PC: variants seen among roughly 807,000 people sequenced by gnomAD.
PC encodes the protein pyruvate carboxylase, mitochondrial.
A neutral mutation model predicts 107.8 loss-of-function variants in PC; 46 were observed. The ratio of observed to expected loss-of-function variants is 0.43; its 90% confidence interval spans 0.34 to 0.55. The LOEUF is 0.55. PC is among the 20% of genes least tolerant of loss of function. The pLI is 0.04. For missense variants in PC, 1,241 were observed against 1,643.1 expected (o/e 0.76, Z 4.23); for synonymous variants, 662 against 684.7 (o/e 0.97, Z 0.52).
chr11:66,953,199 C>T (rs1158171125), intron 2 of PC, among the ~76,000 whole-genome samples: 1 of 152,220 alleles, frequency 6.6e-6, no homozygotes, highest in Non-Finnish European at 1.5e-5. Flanking sequence ...ATCTGAAGTG[C>T]TTTCTCTTCC....
chr11:66,941,640 C>T (rs552336006), intron 3 of PC, among the ~76,000 whole-genome samples: 4 of 152,180 alleles, frequency 2.6e-5, no homozygotes, highest in Admixed American at 6.5e-5. Context: ...TACAGGTGCC[C>T]GCCACCATGC....
At chr11:66,859,906 G>A (rs770795090) in intron 12 of PC, 9 of 1,577,126 alleles carry the variant, frequency 5.7e-6, no homozygotes, top group South Asian at 1.2e-5. Flanking sequence ...TTGCTGGTTC[G>A]GGGCCGGGGG....
chr11:66,925,039 AG>A (rs1273261483), intron 3 of PC, among the ~76,000 whole-genome samples: 2 of 152,160 alleles, frequency 1.3e-5, no homozygotes, highest in Non-Finnish European at 2.9e-5. Context: ...TCAAAAAGGG[AG>A]GGAGTGTACT....
At chr11:66,912,916 C>T (rs1948370249) in intron 3 of PC, among the ~76,000 whole-genome samples, 1 of 152,162 alleles carries the variant, frequency 6.6e-6, no homozygotes. Flanking sequence ...GAAGGGCTTC[C>T]TCCTGCCACA....
Position 66,863,987 on chromosome 11 carries a change from G to A in PC, c.1186-31C>T, listed in dbSNP as rs375079698. ...GGAAGGGTGAGGCGTGAGGACCTGC[G>A]CCAGAAACTGCGGTCAAAAGTGCCC... On this transcript the variant is annotated intron_variant, in intron 11 of 22. Transcript: ENST00000393960. 140 of 1,611,176 alleles carry A rather than the reference G, an allele frequency of 8.7e-5. No homozygotes were observed. The East Asian group carries it at 1.4e-3, about 16-fold the overall frequency.
intron 12 of PC, among the ~76,000 whole-genome samples, chr11:66,861,312 G>A (rs1221896987): frequency 6.6e-6 from 1 of 152,208 alleles, no homozygotes; most frequent in Non-Finnish European, 1.5e-5. Context: ...CCCTGCAGAG[G>A]GTCAAGCTCC....
At chr11:66,916,786 C>T (rs1948472713) in intron 3 of PC, among the ~76,000 whole-genome samples, 1 of 151,860 alleles carries the variant, frequency 6.6e-6, no homozygotes, top group Non-Finnish European at 1.5e-5. Flanking sequence ...AACCCCGTCT[C>T]TACTAAAAAT....
In PC at chr11:66,857,070, G is replaced by A. The variant is rs1447750606; in HGVS notation, c.1369-3687C>T. 2 of 146,968 alleles carry A rather than the reference G, an allele frequency of 1.4e-5. No individual in the cohort carries two copies. Among genetic ancestry groups the A allele is most frequent in the Non-Finnish European group, 3.0e-5 (2 of 66,004 alleles). 9.1% of individuals were successfully genotyped at this position (146,968 alleles called of 1,614,324 possible). A position where few individuals can be genotyped will look rare whatever the true frequency, so the allele number is the denominator to read the frequency against. Reference sequence around the variant, plus strand: ...GTCCGCGGCGCGCGCGCCCGCCGGCGCGCACCCGCTCGCCTGTCGCCGCCG... The same window carrying A: ...GTCCGCGGCGCGCGCGCCCGCCGGCACGCACCCGCTCGCCTGTCGCCGCCG... On this transcript the variant is annotated intron_variant, in intron 12 of 22. Transcript: ENST00000393960. This position sits in a 1 kb window ranked among gnomAD's most constrained non-coding sequence, Gnocchi z 7.1.
At chr11:66,938,471 ACT>A (rs1399464537) in intron 3 of PC, among the ~76,000 whole-genome samples, 1 of 152,160 alleles carries the variant, frequency 6.6e-6, no homozygotes, top group Non-Finnish European at 1.5e-5. Flanking sequence ...AAAGAGTCAA[ACT>A]CTGATATTTA....
chr11:66,954,867 C>T (rs1171679325), intron 1 of PC, among the ~76,000 whole-genome samples: 2 of 151,712 alleles, frequency 1.3e-5, no homozygotes, highest in Admixed American at 6.6e-5. Context: ...CACTTGAATC[C>T]GGGAGGCAGA....
At chr11:66,892,628 T>C (rs1353857046) in intron 3 of PC, among the ~76,000 whole-genome samples, 2 of 152,016 alleles carry the variant, frequency 1.3e-5, no homozygotes, top group East Asian at 1.9e-4. Flanking sequence ...GGGTGGATCA[T>C]GAGGTCAGGA....
At chr11:66,956,896 GTTTAT>G (rs995189074) in intron 1 of PC, among the ~76,000 whole-genome samples, 2 of 152,206 alleles carry the variant, frequency 1.3e-5, no homozygotes, top group African/African-American at 4.8e-5. Flanking sequence ...CTTAGGTTTT[GTTTAT>G]TTTCTCTCTC....
chr11:66,938,011 C>T (rs1325325516), intron 3 of PC, among the ~76,000 whole-genome samples: 1 of 152,080 alleles, frequency 6.6e-6, no homozygotes, highest in African/African-American at 2.4e-5. Context: ...CTCTCGACCT[C>T]GTGATCCACC....
chr11:66,856,660 G>A (rs977700154), intron 12 of PC: 1 of 152,590 alleles, frequency 6.6e-6, no homozygotes, highest in African/African-American at 2.4e-5. Flanking sequence ...ACGTGTGGGT[G>A]TGTGGGCATG....
At chr11:66,873,466 TATATA>T (rs1392993707) in intron 3 of PC, among the ~76,000 whole-genome samples, 24 of 83,280 alleles carry the variant, frequency 2.9e-4, no homozygotes, top group African/African-American at 8.9e-4. Context: ...ATATATATTA[TATATA>T]ATATAATATA....
In PC at chr11:66,866,108, T is replaced by A; in HGVS notation, c.1185+79A>T. ...TCCCTAACTGCCGGGCTGTGGCAAC[T>A]TGGCACTGCAGCCCCAGGCACCAGG... On this transcript the variant is annotated intron_variant, in intron 11 of 22. Transcript: ENST00000393960. This position sits in a 1 kb window ranked among gnomAD's most constrained non-coding sequence, Gnocchi z 5.4. 6.6e-7 allele frequency: 1 copy of A among 1,511,734 alleles called. No individual in the cohort carries two copies. Among genetic ancestry groups the A allele is most frequent in the Non-Finnish European group, 9.0e-7 (1 of 1,110,682 alleles). 93.6% of individuals were successfully genotyped at this position (1,511,734 alleles called of 1,614,324 possible).
chr11:66,903,409 C>T (rs1948029408), intron 3 of PC, among the ~76,000 whole-genome samples: 1 of 152,080 alleles, frequency 6.6e-6, no homozygotes, highest in African/African-American at 2.4e-5. Flanking sequence ...TGTTGTTGAG[C>T]TCATCCCTAC....
chr11:66,936,212 T>G (rs1402483031), intron 3 of PC, among the ~76,000 whole-genome samples: 1 of 151,190 alleles, frequency 6.6e-6, no homozygotes, highest in Non-Finnish European at 1.5e-5. Flanking sequence ...GGTGCCACTG[T>G]ACTCCAGCCT....
chr11:66,862,982 T>C (rs1946335855), intron 12 of PC, among the ~76,000 whole-genome samples: 1 of 152,170 alleles, frequency 6.6e-6, no homozygotes, highest in African/African-American at 2.4e-5. Context: ...CTGTGCAAAG[T>C]GACCGCATCT....
Sources: gnomAD v4.1 joint callset for allele counts (sites outside exome capture counted in the v4.1 genomes callset) on GRCh38, gnomAD v4.1.1 for gene constraint, Gnocchi (gnomAD v3.1) non-coding constraint, MANE v1.5 for transcripts, NCBI Gene and HGNC (gene_info 2026-07-23, HGNC 2026-07-21) for gene names.